The following STXBP5 variants were observed in gnomAD, a reference collection of about 807,000 sequenced individuals.
STXBP5 encodes syntaxin binding protein 5, also known as syntaxin-binding protein 5.
STXBP5 carries 50 observed loss-of-function variants against 152.4 expected under a neutral mutation model. The observed-to-expected ratio is 0.33, with a 90% CI of 0.26 to 0.42. The LOEUF (loss-of-function observed/expected upper bound fraction) is 0.42. STXBP5 is among the 10% of genes least tolerant of loss of function. The pLI, the probability that STXBP5 is intolerant of heterozygous loss-of-function variation, is 1.00. For missense variants in STXBP5, 1,167 were observed against 1,388.6 expected (o/e 0.84, Z 2.54); for synonymous variants, 492 against 494.7 (o/e 0.99, Z 0.07).
chr6:147,299,342 G>A (rs574587923), intron 9 of STXBP5, among the ~76,000 whole-genome samples: 23 of 151,854 alleles, frequency 1.5e-4, no homozygotes, highest in Admixed American at 9.9e-4. Context: ...AATAACAAGC[G>A]AGGGAATTGA....
intron 3 of STXBP5, among the ~76,000 whole-genome samples, chr6:147,237,480 A>T (rs1778336765): frequency 6.6e-6 from 1 of 152,200 alleles, no homozygotes. Flanking sequence ...AGATTTTAAG[A>T]TGTGGTAAAC....
chr6:147,272,152 G>A (rs545773393), intron 7 of STXBP5, among the ~76,000 whole-genome samples: 1 of 152,178 alleles, frequency 6.6e-6, no homozygotes, highest in East Asian at 1.9e-4. Context: ...AAAACACCAG[G>A]CTCAGAAAGC....
At chr6:147,259,533 C>A (rs6570791) in intron 4 of STXBP5, among the ~76,000 whole-genome samples, 2,319 of 152,126 alleles carry the variant, frequency 0.015, 66 homozygotes, top group African/African-American at 0.054. Context: ...GAATGAGTTG[C>A]GTGTGTATTT....
chr6:147,382,860 G>A lies in STXBP5; in HGVS notation c.3276G>A (p.Gly1092=). The A allele has an allele frequency of 6.2e-7, 1 of 1,613,482 alleles. No homozygotes were observed. Among genetic ancestry groups the A allele is most frequent in the Admixed American group, 1.7e-5 (1 of 59,908 alleles). The part of the protein sequence containing the change: ...PGPGGIEGVK[G]AASGVVGELA... ...CTGGTGGCATTGAAGGCGTAAAAGG[G>A]GCAGCATCTGGAGTTGTTGGTGAAT... Residue 1092 remains glycine (G), a synonymous_variant, in exon 27 of 28, where the codon GGG becomes GGA. Coordinates refer to ENST00000321680, the MANE Select transcript of STXBP5 (RefSeq NM_001127715.4).
intron 21 of STXBP5, among the ~76,000 whole-genome samples, chr6:147,345,304 G>A (rs748587325): frequency 2.6e-5 from 4 of 152,116 alleles, no homozygotes; most frequent in Non-Finnish European, 4.4e-5. Flanking sequence ...CTCCTGGGAT[G>A]TTTTAGCATG....
Position 147,304,514 on chromosome 6 carries a change from G to A in STXBP5, c.918-5570G>A, listed in dbSNP as rs140461668. ...CAGTGTGGATGGGAAATGTGGAGTC[G>A]GTGCCCCCACACAGAGTCCCCAGTG... On this transcript the variant is annotated intron_variant, in intron 9 of 27. Coordinates refer to ENST00000321680, the MANE Select transcript of STXBP5 (RefSeq NM_001127715.4). Among the ~76,000 whole-genome samples, 809 of 152,144 alleles carry A rather than the reference G, an allele frequency of 5.3e-3. 9 individuals are homozygous for A. The highest frequency in any genetic ancestry group is 0.019 in the African/African-American group (778 of 41,518).
At chr6:147,244,209 A>G (rs1778688446) in intron 4 of STXBP5, among the ~76,000 whole-genome samples, 1 of 152,198 alleles carries the variant, frequency 6.6e-6, no homozygotes, top group Non-Finnish European at 1.5e-5. Flanking sequence ...GTTTTATATA[A>G]GGGACTTGAG....
chr6:147,265,784 AC>A (rs2115362148), intron 6 of STXBP5, among the ~76,000 whole-genome samples: 1 of 152,254 alleles, frequency 6.6e-6, no homozygotes, highest in East Asian at 1.9e-4. Context: ...CCTGTGTGTT[AC>A]GTTAGAGGTA....
chr6:147,328,659 G>T (rs1289488841), intron 18 of STXBP5: 1 of 460,584 alleles, frequency 2.2e-6, no homozygotes. Flanking sequence ...TAGTATTTTT[G>T]TCTCCTTTTA....
In STXBP5 at chr6:147,294,427, C is replaced by T. The variant is rs9485162; in HGVS notation, c.917+3255C>T. Among the ~76,000 whole-genome samples, 1,147 of 152,142 alleles carry T rather than the reference C, an allele frequency of 7.5e-3. 17 individuals are homozygous for T. The highest frequency in any genetic ancestry group is 0.025 in the African/African-American group (1,051 of 41,494). ...ATATATAAAGCACTTGTAACGTGCT[C>T]TTTATACCAGTTGTGTCACATACAC... On this transcript the variant is annotated intron_variant, in intron 9 of 27. Coordinates refer to ENST00000321680, the MANE Select transcript of STXBP5 (RefSeq NM_001127715.4).
intron 2 of STXBP5, among the ~76,000 whole-genome samples, chr6:147,211,418 A>C (rs1776848083): frequency 6.6e-6 from 1 of 152,100 alleles, no homozygotes; most frequent in Non-Finnish European, 1.5e-5. Flanking sequence ...GTAAATGCTA[A>C]ATTGATTAAT....
intron 9 of STXBP5, among the ~76,000 whole-genome samples, chr6:147,300,791 A>G (rs1249021319): frequency 6.6e-6 from 1 of 152,118 alleles, no homozygotes; most frequent in Non-Finnish European, 1.5e-5. Context: ...AACAAAAGCC[A>G]AAATAGAAAA....
intron 2 of STXBP5, among the ~76,000 whole-genome samples, chr6:147,216,475 T>C (rs1475036832): frequency 6.6e-6 from 1 of 152,198 alleles, no homozygotes; most frequent in African/African-American, 2.4e-5. Flanking sequence ...GAATCAGATA[T>C]ATTACATGCC....
intron 16 of STXBP5, among the ~76,000 whole-genome samples, chr6:147,318,490 A>G (rs532704190): frequency 6.6e-6 from 1 of 152,304 alleles, no homozygotes; most frequent in South Asian, 2.1e-4. Context: ...TTCTGCAATT[A>G]TGAGTTTTCT....
chr6:147,298,333 A>G (rs1213684919), intron 9 of STXBP5, among the ~76,000 whole-genome samples: 1 of 152,052 alleles, frequency 6.6e-6, no homozygotes, highest in East Asian at 1.9e-4. Flanking sequence ...ACTAGAGCAC[A>G]CAAATTATTA....
chr6:147,287,482 G>A (rs539265305), intron 8 of STXBP5, among the ~76,000 whole-genome samples: 27 of 152,254 alleles, frequency 1.8e-4, no homozygotes, highest in Non-Finnish European at 3.8e-4. Flanking sequence ...GATTACAGGC[G>A]TGAGCCACCG....
At position 147,388,468 on chromosome 6, in the gene STXBP5, T is replaced by G. The variant is rs1441478144; in HGVS notation, c.*3713T>G. The G allele has an allele frequency of 6.6e-6, 1 of 151,682 alleles. No individual in the cohort carries two copies. The highest frequency in any genetic ancestry group is 2.4e-5 in the African/African-American group (1 of 41,420). 9.4% of individuals were successfully genotyped at this position (151,682 alleles called of 1,614,324 possible). A position where few individuals can be genotyped will look rare whatever the true frequency, so the allele number is the denominator to read the frequency against. ...AGTTTTAAAATGGAATTTTTATAAA[T>G]GTACTTTAATTTTAAAATGGTGAAC... is the stretch of plus-strand genomic sequence containing the variant. On this transcript the variant is annotated 3_prime_UTR_variant, in exon 28 of 28. Transcript: ENST00000321680.
intron 9 of STXBP5, among the ~76,000 whole-genome samples, chr6:147,308,808 A>C (rs74518083): frequency 0.045 from 6,842 of 152,230 alleles, 142 homozygotes; most frequent in Middle Eastern, 0.054. Flanking sequence ...TTAGATAAAA[A>C]TAAATATAAT....
At chr6:147,384,072 C>T (rs779599320) in intron 27 of STXBP5, among the ~76,000 whole-genome samples, 1 of 152,086 alleles carries the variant, frequency 6.6e-6, no homozygotes, top group Non-Finnish European at 1.5e-5. Context: ...AATATTTAAT[C>T]TCACACTGTT....
Sources: allele counts gnomAD v4.1 joint callset (sites outside exome capture counted in the v4.1 genomes callset), GRCh38; gene constraint gnomAD v4.1.1; transcripts MANE v1.5; gene names NCBI Gene and HGNC (gene_info 2026-07-23, HGNC 2026-07-21).